CSNK2A2IP: variants seen among roughly 807,000 people sequenced by gnomAD.
CSNK2A2IP encodes the protein casein kinase II subunit alpha'-interacting protein.
the CSNK2A2IP span, among the ~76,000 whole-genome samples, chr3:88,434,644 C>G: frequency 1.3e-5 from 2 of 152,086 alleles, no homozygotes; most frequent in African/African-American, 4.8e-5. Context: ...GCTATGAAAA[C>G]CAGTTGTAAT....
the CSNK2A2IP span, among the ~76,000 whole-genome samples, chr3:88,459,593 T>G: frequency 6.6e-6 from 1 of 152,140 alleles, no homozygotes; most frequent in Non-Finnish European, 1.5e-5. Context: ...TCCTAAACAA[T>G]GTTAAATGCA....
chr3:88,386,457 G>A, the CSNK2A2IP span, among the ~76,000 whole-genome samples: 1 of 152,208 alleles, frequency 6.6e-6, no homozygotes, highest in African/African-American at 2.4e-5. Context: ...AGAAACCACG[G>A]AGAAAGCAGA....
chr3:88,390,276 G>A, the CSNK2A2IP span, among the ~76,000 whole-genome samples: 1 of 152,124 alleles, frequency 6.6e-6, no homozygotes, highest in Non-Finnish European at 1.5e-5. Context: ...CGTCCATGTA[G>A]CTTTTTTGGA....
chr3:88,390,042 A>C, the CSNK2A2IP span, among the ~76,000 whole-genome samples: 1 of 152,164 alleles, frequency 6.6e-6, no homozygotes, highest in Admixed American at 6.5e-5. Context: ...ATCAGAGAAT[A>C]GGCTTAGCTC....
At chr3:88,395,719 T>C in the CSNK2A2IP span, among the ~76,000 whole-genome samples, 5 of 152,236 alleles carry the variant, frequency 3.3e-5, no homozygotes, top group Admixed American at 3.3e-4. Flanking sequence ...TTAACAATAC[T>C]GAGTCTACCA....
the CSNK2A2IP span, among the ~76,000 whole-genome samples, chr3:88,419,718 T>C: frequency 6.6e-6 from 1 of 152,162 alleles, no homozygotes; most frequent in African/African-American, 2.4e-5. Context: ...GATTAGGCAT[T>C]TGGTTCATTA....
the CSNK2A2IP span, among the ~76,000 whole-genome samples, chr3:88,374,201 T>C: frequency 6.6e-6 from 1 of 151,654 alleles, no homozygotes; most frequent in Non-Finnish European, 1.5e-5. Flanking sequence ...TAAATTAAGG[T>C]TGTAGCAGTG....
the CSNK2A2IP span, among the ~76,000 whole-genome samples, chr3:88,458,299 C>A: frequency 2.0e-5 from 3 of 151,672 alleles, no homozygotes; most frequent in African/African-American, 4.8e-5. Context: ...TACAGGCATG[C>A]GCCACCACGC....
chr3:88,406,797 G>A, the CSNK2A2IP span, among the ~76,000 whole-genome samples: 3 of 152,212 alleles, frequency 2.0e-5, no homozygotes, highest in Non-Finnish European at 4.4e-5. Context: ...AAAAATGTAC[G>A]TAGTATTCAA....
chr3:88,428,791 G>C, the CSNK2A2IP span, among the ~76,000 whole-genome samples: 1 of 151,992 alleles, frequency 6.6e-6, no homozygotes, highest in Admixed American at 6.6e-5. Context: ...ATCTTCATTT[G>C]TAAGACATGA....
the CSNK2A2IP span, among the ~76,000 whole-genome samples, chr3:88,453,991 A>T: frequency 6.6e-6 from 1 of 152,020 alleles, no homozygotes; most frequent in Admixed American, 6.6e-5. Context: ...TGTATATTTA[A>T]CTTTTAAAGA....
chr3:88,400,365 G>A, the CSNK2A2IP span, among the ~76,000 whole-genome samples: 1 of 152,090 alleles, frequency 6.6e-6, no homozygotes, highest in Non-Finnish European at 1.5e-5. Context: ...GGAAATTTTG[G>A]TAGGTGGGAG....
the CSNK2A2IP span, among the ~76,000 whole-genome samples, chr3:88,419,640 T>C: frequency 6.6e-6 from 1 of 152,166 alleles, no homozygotes; most frequent in African/African-American, 2.4e-5. Context: ...GATTGCTGGG[T>C]TGACTGGTAG....
the CSNK2A2IP span, among the ~76,000 whole-genome samples, chr3:88,405,706 T>C: frequency 2.6e-5 from 4 of 152,220 alleles, no homozygotes; most frequent in Admixed American, 2.6e-4. Flanking sequence ...AATTTGAGCA[T>C]GTCGTATATT....
chr3:88,408,530 A>G, the CSNK2A2IP span, among the ~76,000 whole-genome samples: 1 of 152,118 alleles, frequency 6.6e-6, no homozygotes, highest in Non-Finnish European at 1.5e-5. Context: ...AGGCTTGACA[A>G]TTCAGAATAA....
chr3:88,423,122 T>C, the CSNK2A2IP span, among the ~76,000 whole-genome samples: 1 of 152,212 alleles, frequency 6.6e-6, no homozygotes, highest in South Asian at 2.1e-4. Flanking sequence ...TTAGATGTTA[T>C]GTCCAGATTT....
At chr3:88,348,758 T>C in the CSNK2A2IP span, among the ~76,000 whole-genome samples, 133 of 152,182 alleles carry the variant, frequency 8.7e-4, 1 homozygote, top group Non-Finnish European at 1.5e-4. Context: ...TCCTTTTTAC[T>C]AGCTGTCAGC....
the CSNK2A2IP span, among the ~76,000 whole-genome samples, chr3:88,376,562 T>C: frequency 6.6e-6 from 1 of 151,872 alleles, no homozygotes; most frequent in Non-Finnish European, 1.5e-5. Context: ...CTTCAAGATA[T>C]AGCTCTTTGA....
At chr3:88,363,645 G>A in the CSNK2A2IP span, among the ~76,000 whole-genome samples, 2 of 152,150 alleles carry the variant, frequency 1.3e-5, no homozygotes, top group Non-Finnish European at 2.9e-5. Context: ...TGCTAGATAT[G>A]TTTTGTATTT....
Sources: gnomAD v4.1 joint callset for allele counts (sites outside exome capture counted in the v4.1 genomes callset) on GRCh38, gnomAD v4.1.1 for gene constraint, MANE v1.5 for transcripts, NCBI Gene and HGNC (gene_info 2026-07-23, HGNC 2026-07-21) for gene names.